CIDEC: variants seen among roughly 807,000 people sequenced by gnomAD.
The protein encoded by CIDEC is cell death inducing DFFA like effector c.
In CIDEC, 11 loss-of-function variants were observed where a neutral mutation model predicts 21.9. The observed-to-expected ratio is 0.50, with a 90% CI of 0.32 to 0.83. CIDEC has a LOEUF of 0.83. Ranked by LOEUF, CIDEC falls within the 40% of genes least tolerant of loss-of-function variation. The probability of loss-of-function intolerance (pLI) is 0.04; values close to 1 mark genes in which losing one functional copy is unlikely to be tolerated. For synonymous variants in CIDEC, 127 were observed against 124.9 expected (o/e 1.02, Z -0.11); for missense variants, 302 against 302.3 (o/e 1.00, Z 0.01).
intron 4 of CIDEC, 94 bp downstream of exon 4, chr3:9,876,972 C>T (rs766108772): frequency 1.9e-6 from 2 of 1,063,146 alleles, no homozygotes; most frequent in Non-Finnish European, 2.8e-6. Context: ...TGGTAGGTAT[C>T]AGAAAGGAAA....
chr3:9,875,393 A>AAC (rs1553563754), intron 4 of CIDEC, among the ~76,000 whole-genome samples: 1 of 151,416 alleles, frequency 6.6e-6, no homozygotes, highest in Non-Finnish European at 1.5e-5. Flanking sequence ...AAAAAAAAAA[A>AAC]GAAAAAAGAA....
At chr3:9,878,713 C>T in intron 2 of CIDEC, 1 of 1,526,944 alleles carries the variant, frequency 6.5e-7, no homozygotes, top group South Asian at 1.2e-5. Context: ...CCCCACCCCT[C>T]TCCCCACCGG....
At chr3:9,870,400 G>T (rs547723068) in intron 4 of CIDEC, 78 bp from the exon 5 acceptor site, 1 of 1,596,300 alleles carries the variant, frequency 6.3e-7, no homozygotes, top group East Asian at 2.2e-5. Context: ...CTGGAGCCCA[G>T]GCCCTCTGCT....
chr3:9,873,225 G>C (rs2082374274), intron 4 of CIDEC, among the ~76,000 whole-genome samples: 1 of 151,934 alleles, frequency 6.6e-6, no homozygotes. Flanking sequence ...TTAGGTCTTT[G>C]GTCCATTTTT....
At chr3:9,873,969 C>T (rs538521488) in intron 4 of CIDEC, among the ~76,000 whole-genome samples, 59 of 152,120 alleles carry the variant, frequency 3.9e-4, no homozygotes, top group African/African-American at 9.9e-4. Context: ...TCCCTGGTCT[C>T]GGTTTCTGAA....
rs757491895 is a variant in CIDEC, at chr3:9,877,217, T to C, written c.56A>G (p.His19Arg). Residue 19 changes from histidine to arginine, a missense_variant and splice_region_variant, in exon 4 of 7, where the codon CAT (histidine) becomes CGT (arginine). Coordinates refer to ENST00000336832, the MANE Select transcript of CIDEC (RefSeq NM_001321142.2). ...SLLYPKSLSR[H>R]VSVRTSVVTQ... ...CACCACAGAGGTACGCACTGACACATGCCTGGGGCAGTTGAAGCATCAGGG... is the reference window on the plus strand; with the variant it reads ...CACCACAGAGGTACGCACTGACACACGCCTGGGGCAGTTGAAGCATCAGGG... The C allele has an allele frequency of 6.5e-7, 1 of 1,550,076 alleles. No individual in the cohort carries two copies.
At chr3:9,872,231 T>C (rs1048924493) in intron 4 of CIDEC, among the ~76,000 whole-genome samples, 1 of 151,784 alleles carries the variant, frequency 6.6e-6, no homozygotes, top group Non-Finnish European at 1.5e-5. Context: ...TGGAGTGCAG[T>C]GGTGCCATCA....
chr3:9,869,467 C>T (rs2125041970), intron 6 of CIDEC, among the ~76,000 whole-genome samples: 1 of 152,214 alleles, frequency 6.6e-6, no homozygotes, highest in East Asian at 1.9e-4. Flanking sequence ...CCAGGCTGGT[C>T]TCAAACTCCT....
intron 4 of CIDEC, among the ~76,000 whole-genome samples, chr3:9,870,870 C>A (rs375954952): frequency 2.6e-5 from 4 of 151,928 alleles, no homozygotes; most frequent in African/African-American, 9.7e-5. Context: ...AAACTCCTTG[C>A]CTCAAGGGAT....
chr3:9,873,137 C>T (rs979918187), intron 4 of CIDEC, among the ~76,000 whole-genome samples: 1 of 151,424 alleles, frequency 6.6e-6, no homozygotes, highest in Non-Finnish European at 1.5e-5. Context: ...GCTTTGGTGC[C>T]GTATCTAGGA....
At position 9,876,939 on chromosome 3, in the gene CIDEC, T is replaced by C. The variant is rs1383517288; in HGVS notation, c.207+127A>G. Reference sequence around the variant, plus strand: ...CTAATTAGTTGGACAGCTCTCCAGGTGGGCATTACCATCTGTAGGCGCTGG... The same window carrying C: ...CTAATTAGTTGGACAGCTCTCCAGGCGGGCATTACCATCTGTAGGCGCTGG... On this transcript the variant is annotated intron_variant, in intron 4 of 6. Coordinates refer to ENST00000336832, the MANE Select transcript of CIDEC (RefSeq NM_001321142.2). 2.8e-5 allele frequency: 21 copies of C among 750,308 alleles called. No homozygotes were observed. The East Asian group carries it at 5.7e-4, about 20-fold the overall frequency. 46.5% of individuals were successfully genotyped at this position (750,308 alleles called of 1,614,324 possible). A position where few individuals can be genotyped will look rare whatever the true frequency, so the allele number is the denominator to read the frequency against.
chr3:9,872,272 C>T (rs2082358956), intron 4 of CIDEC, among the ~76,000 whole-genome samples: 1 of 151,912 alleles, frequency 6.6e-6, no homozygotes, highest in Non-Finnish European at 1.5e-5. Flanking sequence ...CTCCTAGGCT[C>T]AAGTGATCCT....
chr3:9,868,567 T>C (rs1366555152), intron 6 of CIDEC, among the ~76,000 whole-genome samples: 1 of 152,146 alleles, frequency 6.6e-6, no homozygotes, highest in East Asian at 1.9e-4. Context: ...GCAATTAACA[T>C]GGGGTTGGAT....
intron 4 of CIDEC, among the ~76,000 whole-genome samples, chr3:9,874,761 C>G (rs919292307): frequency 1.3e-5 from 2 of 151,988 alleles, no homozygotes; most frequent in Admixed American, 1.3e-4. Flanking sequence ...AACAGGGTCT[C>G]GCTCTGTCAC....
At position 9,870,283 on chromosome 3, in the gene CIDEC, G is replaced by C. The variant is rs1362770843; in HGVS notation, c.247C>G (p.Leu83Val). Residue 83 changes from leucine (L) to valine (V), a missense_variant, in exon 5 of 7, where the codon CTG becomes GTG. By Grantham distance (32) the Leu-to-Val change is conservative (BLOSUM62 1). Transcript: ENST00000336832. ...GTTGTGCCATCTTCCTCCAGCACCA[G>C]GAAGAAGGGCTTGTCTGCCAGCATC... Reference protein sequence around the residue: ...TLMLADKPFFLVLEEDGTTVE... With the variant: ...TLMLADKPFFVVLEEDGTTVE... 3 of 1,614,086 alleles carry C rather than the reference G, an allele frequency of 1.9e-6. No individual in the cohort carries two copies. Among genetic ancestry groups the C allele is most frequent in the Non-Finnish European group, 2.5e-6 (3 of 1,180,014 alleles).
intron 4 of CIDEC, among the ~76,000 whole-genome samples, chr3:9,874,264 C>G (rs890193761): frequency 1.3e-5 from 2 of 151,830 alleles, no homozygotes; most frequent in African/African-American, 2.4e-5. Context: ...GCCTGTAATC[C>G]CAGCACTTTG....
rs754395036 is a variant in CIDEC, at chr3:9,870,057, G to T, written c.379C>A (p.Pro127Thr). The change falls in exon 6 of 7, where the codon CCA (proline) becomes ACA (threonine). Residue 127 changes from proline to threonine, a missense_variant. By Grantham distance (38) the Pro-to-Thr change is conservative (BLOSUM62 -1). Coordinates refer to ENST00000336832, the MANE Select transcript of CIDEC (RefSeq NM_001321142.2). ...QPPSEQGTRH[P>T]LSLSHKPAKK... ...GCAGGCTTATGGGAGAGGGACAGTGGGTGCCTTGTCCCCTGCATTGAGACA... is the reference window on the plus strand; with the variant it reads ...GCAGGCTTATGGGAGAGGGACAGTGTGTGCCTTGTCCCCTGCATTGAGACA... 1.9e-6 allele frequency: 3 copies of T among 1,614,122 alleles called. No individual in the cohort carries two copies. Among genetic ancestry groups the T allele is most frequent in the South Asian group, 1.1e-5 (1 of 91,080 alleles).
At position 9,867,010 on chromosome 3, in the gene CIDEC, G is replaced by T; in HGVS notation, c.*124C>A. 1 of 1,060,792 alleles carries T rather than the reference G, an allele frequency of 9.4e-7. No individual in the cohort carries two copies. The highest frequency in any genetic ancestry group is 1.5e-6 in the Non-Finnish European group (1 of 678,344). The allele number at this position is 1,060,792 out of a possible 1,614,324, so 65.7% of individuals were successfully genotyped here. A position where few individuals can be genotyped will look rare whatever the true frequency, so the allele number is the denominator to read the frequency against. On this transcript the variant is annotated 3_prime_UTR_variant, in exon 7 of 7. Transcript: ENST00000336832. Reference sequence around the variant, plus strand: ...GCTCCTCCTCCTCACTCAGGGTCCTGCGCGGTGAGGGAGGTGTGGGGAGGT... The same window carrying T: ...GCTCCTCCTCCTCACTCAGGGTCCTTCGCGGTGAGGGAGGTGTGGGGAGGT...
intron 6 of CIDEC, 28 bp downstream of exon 6, chr3:9,869,854 T>C (rs745548430): frequency 1.2e-6 from 2 of 1,608,754 alleles, no homozygotes; most frequent in Admixed American, 3.3e-5. Context: ...GTACCCACCC[T>C]GTCCCCAGGA....
Sources: allele counts gnomAD v4.1 joint callset (sites outside exome capture counted in the v4.1 genomes callset), GRCh38; gene constraint gnomAD v4.1.1; transcripts MANE v1.5; gene names NCBI Gene and HGNC (gene_info 2026-07-23, HGNC 2026-07-21).